The following FBLN5 variants were observed in gnomAD, a reference collection of about 807,000 sequenced individuals.
FBLN5 encodes the protein fibulin-5.
Under a neutral mutation model 61.6 loss-of-function variants are expected in FBLN5, and 24 were observed. The observed-to-expected ratio is 0.39, with a 90% CI of 0.28 to 0.55. The LOEUF (loss-of-function observed/expected upper bound fraction) is 0.55, where lower values mean the gene tolerates loss of function less well. Ranked by LOEUF, FBLN5 falls within the 20% of genes least tolerant of loss-of-function variation. The pLI, the probability that FBLN5 is intolerant of heterozygous loss-of-function variation, is 0.65. For missense variants in FBLN5, 470 were observed against 594.1 expected (o/e 0.79, Z 2.17); for synonymous variants, 213 against 219.8 (o/e 0.97, Z 0.27).
chr14:91,894,428 CCG>C (rs1890132606), intron 5 of FBLN5, among the ~76,000 whole-genome samples: 24 of 72,622 alleles, frequency 3.3e-4, no homozygotes, highest in East Asian at 4.5e-4. Flanking sequence ...AAAAAAAAAA[CCG>C]AAAAAAACCA....
At chr14:91,894,402 C>CAAAAA (rs58035118) in intron 5 of FBLN5, among the ~76,000 whole-genome samples, 23 of 34,314 alleles carry the variant, frequency 6.7e-4, no homozygotes, top group Non-Finnish European at 9.2e-4. Flanking sequence ...GACACCATAT[C>CAAAAA]AAAAAAAAAA....
intron 1 of FBLN5, chr14:91,946,926 C>G: frequency 1.4e-6 from 2 of 1,457,356 alleles, no homozygotes; most frequent in Non-Finnish European, 1.8e-6. Flanking sequence ...AAGTTGCTGC[C>G]CTTTCCAGAA....
chr14:91,881,044 T>C (rs1473491518), intron 9 of FBLN5, among the ~76,000 whole-genome samples: 1 of 152,116 alleles, frequency 6.6e-6, no homozygotes, highest in Non-Finnish European at 1.5e-5. Context: ...AAAAACAATA[T>C]TGACTCTTGC....
At chr14:91,903,035 T>C (rs1210667452) in intron 4 of FBLN5, among the ~76,000 whole-genome samples, 2 of 152,016 alleles carry the variant, frequency 1.3e-5, no homozygotes, top group African/African-American at 2.4e-5. Context: ...TCACACAAAA[T>C]ACCTAGGCAA....
Position 91,947,436 on chromosome 14 carries a change from G to A in FBLN5, c.-207C>T. Reference sequence around the variant, plus strand: ...GCAGAGCCCTCAGCGCAAGCACCTGGTTTTGCTTAGCCCTCTTCAGTAATT... The same window carrying A: ...GCAGAGCCCTCAGCGCAAGCACCTGATTTTGCTTAGCCCTCTTCAGTAATT... On this transcript the variant is annotated 5_prime_UTR_variant, in exon 1 of 11. Coordinates refer to ENST00000342058, the MANE Select transcript of FBLN5 (RefSeq NM_006329.4). This position sits in a 1 kb window ranked among gnomAD's most constrained non-coding sequence, Gnocchi z 4.3. 4.7e-6 allele frequency: 3 copies of A among 644,506 alleles called. No individual in the cohort carries two copies. The highest frequency in any genetic ancestry group is 2.7e-5 in the East Asian group (1 of 36,758). 39.9% of individuals were successfully genotyped at this position (644,506 alleles called of 1,614,324 possible).
Position 91,870,218 on chromosome 14 carries a change from C to G in FBLN5, c.*6G>C. ...AGAGGCAGCGTCGGAGGCTCCAGCC[C>G]GAGGCTCAGAATGGGTACTGCGACA... On this transcript the variant is annotated 3_prime_UTR_variant, in exon 11 of 11. Transcript: ENST00000342058. The G allele has an allele frequency of 6.2e-7, 1 of 1,614,024 alleles. No individual in the cohort carries two copies. Among genetic ancestry groups the G allele is most frequent in the East Asian group, 2.2e-5 (1 of 44,884 alleles).
chr14:91,902,237 T>A (rs1464106275), intron 4 of FBLN5, among the ~76,000 whole-genome samples: 1 of 151,886 alleles, frequency 6.6e-6, no homozygotes, highest in Non-Finnish European at 1.5e-5. Flanking sequence ...GGACAAGTCA[T>A]GTCTAATGTC....
rs146171857 is a variant in FBLN5, at chr14:91,919,921, T to C, written c.379+17026A>G. Among the ~76,000 whole-genome samples, 12 of 152,330 alleles carry C rather than the reference T, an allele frequency of 7.9e-5. No homozygotes were observed. The East Asian group carries it at 2.3e-3, about 29-fold the overall frequency. On this transcript the variant is annotated intron_variant, in intron 4 of 10. Transcript: ENST00000342058. ...CACCTTAGCAAACTAGTACATTGTG[T>C]GGGCTTTCCCCCTGGCCCTGAGCAC...
intron 4 of FBLN5, among the ~76,000 whole-genome samples, chr14:91,897,123 G>A (rs185293777): frequency 7.3e-4 from 111 of 151,720 alleles, no homozygotes; most frequent in South Asian, 5.2e-3. Context: ...AAACATGAAC[G>A]ACCTCCAAGA....
chr14:91,884,373 C>G (rs2498842), intron 7 of FBLN5, among the ~76,000 whole-genome samples: 147,484 of 152,266 alleles, frequency 0.97, 71,620 homozygotes, highest in East Asian at 1. Flanking sequence ...TCATAACTGA[C>G]TGTCCTATTT....
intron 9 of FBLN5, chr14:91,878,045 C>T (rs933734672): frequency 4.8e-6 from 2 of 417,548 alleles, no homozygotes; most frequent in Non-Finnish European, 4.6e-6. Flanking sequence ...CTCAAAAAAA[C>T]AAAACAAAAA....
chr14:91,936,862 C>A (rs912474193), intron 4 of FBLN5, 85 bp downstream of exon 4: 1 of 1,509,228 alleles, frequency 6.6e-7, no homozygotes. Context: ...TGGCAACTAA[C>A]AACCCATTTG....
At chr14:91,940,284 A>T (rs750695518) in intron 3 of FBLN5, among the ~76,000 whole-genome samples, 5 of 152,206 alleles carry the variant, frequency 3.3e-5, no homozygotes, top group Non-Finnish European at 5.9e-5. Context: ...TGTTTAAGCC[A>T]CTAAGTTGGT....
chr14:91,870,782 G>T (rs1241303126), intron 10 of FBLN5, among the ~76,000 whole-genome samples: 1 of 152,166 alleles, frequency 6.6e-6, no homozygotes, highest in African/African-American at 2.4e-5. Flanking sequence ...CTGGGGTCAG[G>T]CTTTTCACCA....
Position 91,881,338 on chromosome 14 carries a change from T to G in FBLN5, c.943A>C (p.Ile315Leu). Residue 315 changes from isoleucine (I) to leucine (L), a missense_variant, in exon 9 of 11, where the codon ATT (isoleucine) becomes CTT (leucine). Transcript: ENST00000342058. The part of the protein sequence containing the change: ...CYNLQGGFKC[I>L]DPIRCEEPYL... ...GGCTCCTCACAGCGGATGGGGTCAA[T>G]GCATTTGAAGCCCCCTTGTAAATTG... is the stretch of plus-strand genomic sequence containing the variant. 2 of 1,614,188 alleles carry G rather than the reference T, an allele frequency of 1.2e-6. No individual in the cohort carries two copies. The highest frequency in any genetic ancestry group is 8.5e-7 in the Non-Finnish European group (1 of 1,180,002).
intron 4 of FBLN5, among the ~76,000 whole-genome samples, chr14:91,913,887 C>T (rs1026102883): frequency 6.6e-6 from 1 of 152,122 alleles, no homozygotes; most frequent in African/African-American, 2.4e-5. Context: ...TCATGGATAA[C>T]AAGAAGTGAT....
At chr14:91,870,508 A>AGGGAAAGAGCATGGCACAGT in intron 10 of FBLN5, 123 bp from the exon 11 acceptor site, 1 of 929,006 alleles carries the variant, frequency 1.1e-6, no homozygotes, top group Non-Finnish European at 1.8e-6. Context: ...CAACTGTGCC[A>AGGGAAAGAGCATGGCACAGT]TGCTCTTTCC....
intron 3 of FBLN5, among the ~76,000 whole-genome samples, chr14:91,938,009 A>G (rs1264235012): frequency 6.6e-6 from 1 of 152,268 alleles, no homozygotes; most frequent in Non-Finnish European, 1.5e-5. Context: ...ATTAAAATAA[A>G]GAGTGTTTAT....
intron 4 of FBLN5, among the ~76,000 whole-genome samples, chr14:91,931,089 T>C (rs1280076084): frequency 6.6e-6 from 1 of 152,164 alleles, no homozygotes; most frequent in Non-Finnish European, 1.5e-5. Flanking sequence ...GGCATTGTTA[T>C]ATCCATTTTA....
Sources: allele counts gnomAD v4.1 joint callset (sites outside exome capture counted in the v4.1 genomes callset), GRCh38; gene constraint gnomAD v4.1.1; non-coding constraint Gnocchi (gnomAD v3.1); transcripts MANE v1.5; gene names NCBI Gene and HGNC (gene_info 2026-07-23, HGNC 2026-07-21).